LTA4H: variants seen among roughly 807,000 people sequenced by gnomAD.
The protein encoded by LTA4H is leukotriene A-4 hydrolase.
A neutral mutation model predicts 89.8 loss-of-function variants in LTA4H; 59 were observed. The ratio of observed to expected loss-of-function variants is 0.66; its 90% CI spans 0.53 to 0.82. LTA4H has a LOEUF of 0.82. LTA4H is among the 40% of genes least tolerant of loss of function. LTA4H has a pLI of 0.00. For synonymous variants in LTA4H, 227 were observed against 253.1 expected (o/e 0.90, Z 0.98); for missense variants, 617 against 727.0 (o/e 0.85, Z 1.74).
chr12:96,016,852 A>G (rs1950384399), intron 10 of LTA4H, among the ~76,000 whole-genome samples, 192 bp downstream of exon 10: 1 of 151,890 alleles, frequency 6.6e-6, no homozygotes, highest in Admixed American at 6.6e-5. Flanking sequence ...AGTGAGCTAG[A>G]TCGCACCACT....
At chr12:96,015,118 G>T in intron 11 of LTA4H, 119 bp from the exon 12 acceptor site, 1 of 826,604 alleles carries the variant, frequency 1.2e-6, no homozygotes, top group Non-Finnish European at 1.9e-6. Context: ...TCTAAAACTT[G>T]GAGACTGGAA....
chr12:96,041,081 T>C (rs1485287647), intron 1 of LTA4H, among the ~76,000 whole-genome samples: 2 of 152,180 alleles, frequency 1.3e-5, no homozygotes, highest in Non-Finnish European at 2.9e-5. Flanking sequence ...TGGCATACAA[T>C]CCAAGGGATT....
chr12:96,033,706 C>G (rs1041149443), intron 1 of LTA4H, among the ~76,000 whole-genome samples: 1 of 152,212 alleles, frequency 6.6e-6, no homozygotes, highest in Non-Finnish European at 1.5e-5. Context: ...TATCCCTCCC[C>G]TAGGCCCCTA....
intron 16 of LTA4H, 91 bp downstream of exon 16, chr12:96,006,223 C>A: frequency 4.5e-6 from 3 of 662,958 alleles, no homozygotes; most frequent in Non-Finnish European, 7.7e-6. Flanking sequence ...CATTAGTTTC[C>A]ACATTAATAA....
chr12:96,013,862 A>G lies in LTA4H; in HGVS notation c.1205-9T>C. ...GAATCCTAGGAAAATCTCTAAGAGT[A>G]AAAAAGAAAAGAAATCAATTCATAG... On this transcript the variant is annotated splice_polypyrimidine_tract_variant and intron_variant, in intron 12 of 18. Transcript: ENST00000228740. The G allele has an allele frequency of 1.6e-6, 2 of 1,218,678 alleles. No individual in the cohort carries two copies. Among genetic ancestry groups the G allele is most frequent in the Non-Finnish European group, 2.4e-6 (2 of 843,478 alleles). 75.5% of individuals were successfully genotyped at this position (1,218,678 alleles called of 1,614,324 possible). A position where few individuals can be genotyped will look rare whatever the true frequency, so the allele number is the denominator to read the frequency against.
Position 96,001,078 on chromosome 12 carries a change from C to A in LTA4H, c.1747G>T (p.Asp583Tyr). 1.2e-6 allele frequency: 2 copies of A among 1,613,682 alleles called. No homozygotes were observed. Among genetic ancestry groups the A allele is most frequent in the Non-Finnish European group, 1.7e-6 (2 of 1,179,908 alleles). ...TCTTGGTAGGTTCGGACAGCTTGAT[C>A]ATGGGATTTGTCAAAGGCAGCAAGA... is the stretch of plus-strand genomic sequence containing the variant. Reference protein sequence around the residue: ...KDLAAFDKSHDQAVRTYQEHK... With the variant: ...KDLAAFDKSHYQAVRTYQEHK... Residue 583 changes from aspartate (D) to tyrosine (Y), a missense_variant, in exon 19 of 19, where the codon GAT (aspartate) becomes TAT (tyrosine). Asp to Tyr is a radical substitution (Grantham distance 160, BLOSUM62 -3). Coordinates refer to ENST00000228740, the MANE Select transcript of LTA4H (RefSeq NM_000895.3).
intron 3 of LTA4H, among the ~76,000 whole-genome samples, chr12:96,027,012 A>C (rs1352673095): frequency 6.6e-6 from 1 of 152,222 alleles, no homozygotes; most frequent in African/African-American, 2.4e-5. Context: ...TACATTCCAA[A>C]CTCAATGGTG....
chr12:96,021,772 A>G (rs1376679879), intron 5 of LTA4H, among the ~76,000 whole-genome samples: 2 of 152,090 alleles, frequency 1.3e-5, no homozygotes, highest in East Asian at 3.9e-4. Flanking sequence ...ACTGTAACTG[A>G]GTGCTTTTTT....
chr12:96,017,179 G>T, intron 9 of LTA4H, 65 bp from the exon 10 acceptor site: 1 of 1,069,678 alleles, frequency 9.3e-7, no homozygotes, highest in Non-Finnish European at 1.4e-6. Context: ...CCATTCTACT[G>T]TAAACACTCC....
At chr12:96,001,731 T>C (rs1950106850) in intron 18 of LTA4H, among the ~76,000 whole-genome samples, 1 of 151,970 alleles carries the variant, frequency 6.6e-6, no homozygotes, top group African/African-American at 2.4e-5. Context: ...ATAAATACAC[T>C]AAATAAAAAG....
At chr12:96,036,911 G>C (rs1043039613), upstream of LTA4H, among the ~76,000 whole-genome samples, 2 of 152,160 alleles carry the variant, frequency 1.3e-5, no homozygotes, top group Admixed American at 6.6e-5. Context: ...GAAGGGGCAG[G>C]CCTCTACATG....
intron 14 of LTA4H, chr12:96,011,952 T>C (rs1950307698): frequency 6.6e-6 from 1 of 152,200 alleles, no homozygotes; most frequent in Non-Finnish European, 1.5e-5. Flanking sequence ...TGCTGATACC[T>C]TTTTTAGACG....
intron 1 of LTA4H, chr12:96,043,279 T>G: frequency 6.5e-7 from 1 of 1,528,848 alleles, no homozygotes; most frequent in Non-Finnish European, 8.8e-7. Context: ...AGAAGGAGCT[T>G]GGAACTTACC....
At chr12:96,035,664 A>G (rs1393945205), upstream of LTA4H, 1 of 1,430,318 alleles carries the variant, frequency 7.0e-7, no homozygotes, top group Non-Finnish European at 9.2e-7. Flanking sequence ...AGTTTCTTAA[A>G]GTCAGACGAG....
chr12:96,035,747 G>T (rs1950635279), upstream of LTA4H: 2 of 1,170,116 alleles, frequency 1.7e-6, no homozygotes, highest in East Asian at 3.0e-5. Flanking sequence ...CTACCTGGGA[G>T]CGTGTGTGTT....
chr12:96,043,513 A>AG (rs1225035715), exon 1 of LTA4H: 1 of 523,464 alleles, frequency 1.9e-6, no homozygotes, highest in Non-Finnish European at 3.5e-6. Flanking sequence ...AGGCTGAGGC[A>AG]GGAGAATGGC....
At chr12:96,025,564 C>T (rs985147527) in intron 3 of LTA4H, among the ~76,000 whole-genome samples, 1 of 152,164 alleles carries the variant, frequency 6.6e-6, no homozygotes, top group Admixed American at 6.5e-5. Context: ...GGTGCCGTGG[C>T]TCACTCCTGC....
At chr12:96,001,809 ATACT>A (rs1409092178) in intron 18 of LTA4H, among the ~76,000 whole-genome samples, 1 of 151,986 alleles carries the variant, frequency 6.6e-6, no homozygotes, top group Non-Finnish European at 1.5e-5. Context: ...TAAAACAGAA[ATACT>A]TATTTTTCCC....
At position 96,003,934 on chromosome 12, in the gene LTA4H, AAAG is replaced by A; in HGVS notation, c.1531-17_1531-15del. Reference sequence around the variant, plus strand: ...TGGAAGAGGTGCCTAAGAGCAAAATAAAGAAGTATACCGTATCATTTCAACAGG... The same window carrying A: ...TGGAAGAGGTGCCTAAGAGCAAAATAAAGTATACCGTATCATTTCAACAGG... On this transcript the variant is annotated splice_polypyrimidine_tract_variant and intron_variant, in intron 16 of 18. Transcript: ENST00000228740. 1 of 1,542,694 alleles carries A rather than the reference AAAG, an allele frequency of 6.5e-7. No individual in the cohort carries two copies. Among genetic ancestry groups the A allele is most frequent in the Non-Finnish European group, 8.9e-7 (1 of 1,119,066 alleles).
Sources: allele counts gnomAD v4.1 joint callset (sites outside exome capture counted in the v4.1 genomes callset), GRCh38; gene constraint gnomAD v4.1.1; transcripts MANE v1.5; gene names NCBI Gene and HGNC (gene_info 2026-07-23, HGNC 2026-07-21).